NMU: variants seen among roughly 807,000 people sequenced by gnomAD.
The protein encoded by NMU is neuromedin-U.
Under a neutral mutation model 35.4 loss-of-function variants are expected in NMU, and 29 were observed. The ratio of observed to expected loss-of-function variants is 0.82; its 90% CI spans 0.61 to 1.12. The LOEUF (loss-of-function observed/expected upper bound fraction) is 1.12, where lower values mean the gene tolerates loss of function less well. Ranked by LOEUF, NMU falls within the 50% of genes most tolerant of loss-of-function variation. NMU has a pLI of 0.00. For missense variants in NMU, 199 were observed against 206.2 expected (o/e 0.97, Z 0.21); for synonymous variants, 78 against 81.3 (o/e 0.96, Z 0.22).
At chr4:55,614,089 A>AATCT (rs1429000728) in intron 3 of NMU, among the ~76,000 whole-genome samples, 1 of 152,212 alleles carries the variant, frequency 6.6e-6, no homozygotes, top group Non-Finnish European at 1.5e-5. Context: ...GGGACTTGTG[A>AATCT]ATCTATCTCT....
At chr4:55,631,126 A>C (rs537123350) in intron 1 of NMU, among the ~76,000 whole-genome samples, 1 of 152,324 alleles carries the variant, frequency 6.6e-6, no homozygotes, top group South Asian at 2.1e-4. Flanking sequence ...GACAAGCCAC[A>C]TACAGAAGAA....
intron 1 of NMU, among the ~76,000 whole-genome samples, chr4:55,635,535 C>A (rs2110218055): frequency 6.6e-6 from 1 of 152,306 alleles, no homozygotes; most frequent in South Asian, 2.1e-4. Context: ...CCACTCCTTC[C>A]CTTCTAAGCG....
chr4:55,614,188 T>A (rs547755880), intron 3 of NMU, among the ~76,000 whole-genome samples: 1 of 152,268 alleles, frequency 6.6e-6, no homozygotes, highest in East Asian at 1.9e-4. Context: ...TAAGATGATA[T>A]CCAGTTAAAA....
At chr4:55,610,108 T>C (rs549244720) in intron 3 of NMU, among the ~76,000 whole-genome samples, 7 of 152,226 alleles carry the variant, frequency 4.6e-5, no homozygotes, top group Middle Eastern at 3.4e-3. Flanking sequence ...CTTAGAAGAA[T>C]TAAATGTAGG....
At chr4:55,629,129 C>G in intron 2 of NMU, among the ~76,000 whole-genome samples, 1 of 152,100 alleles carries the variant, frequency 6.6e-6, no homozygotes, top group East Asian at 1.9e-4. Flanking sequence ...TGCATTATAA[C>G]TGGAAAACAT....
intron 2 of NMU, among the ~76,000 whole-genome samples, chr4:55,624,984 C>T (rs1403336715): frequency 2.5e-5 from 2 of 80,732 alleles, no homozygotes; most frequent in Non-Finnish European, 5.0e-5. Context: ...CACATGGACA[C>T]AGGAAGGGGA....
chr4:55,636,242 C>G lies in NMU; in HGVS notation c.-50G>C. 3.5e-6 allele frequency: 5 copies of G among 1,420,936 alleles called. No homozygotes were observed. Among genetic ancestry groups the G allele is most frequent in the Non-Finnish European group, 4.6e-6 (5 of 1,097,336 alleles). The allele number at this position is 1,420,936 out of a possible 1,614,324, so 88.0% of individuals were successfully genotyped here. A position where few individuals can be genotyped will look rare whatever the true frequency, so the allele number is the denominator to read the frequency against. Reference sequence around the variant, plus strand: ...GCTAGGGACGCTGCGCTGCGCCACGCGTAGCTGGTGCTCCACCTGGTGCCC... The same window carrying G: ...GCTAGGGACGCTGCGCTGCGCCACGGGTAGCTGGTGCTCCACCTGGTGCCC... On this transcript the variant is annotated 5_prime_UTR_variant, in exon 1 of 10. Coordinates refer to ENST00000264218, the MANE Select transcript of NMU (RefSeq NM_006681.4). The surrounding 1 kb of genome is among the most constrained non-coding windows in gnomAD (Gnocchi z 4.0).
chr4:55,635,027 C>T (rs149239050), intron 1 of NMU, among the ~76,000 whole-genome samples: 98 of 152,270 alleles, frequency 6.4e-4, no homozygotes, highest in African/African-American at 1.8e-3. Context: ...GGACTACAGG[C>T]TCTGCAGTTG....
At chr4:55,605,189 T>C (rs955391844) in intron 7 of NMU, 86 bp downstream of exon 7, 1 of 898,878 alleles carries the variant, frequency 1.1e-6, no homozygotes, top group African/African-American at 1.6e-5. Context: ...AAGAGCAGCA[T>C]TTGATGAACT....
At chr4:55,608,220 T>C (rs2110192350) in intron 4 of NMU, among the ~76,000 whole-genome samples, 1 of 152,078 alleles carries the variant, frequency 6.6e-6, no homozygotes, top group South Asian at 2.1e-4. Context: ...TCCTTTTTTG[T>C]TGTTGTTCTT....
At chr4:55,626,332 T>G (rs12499623) in intron 2 of NMU, among the ~76,000 whole-genome samples, 75,338 of 152,126 alleles carry the variant, frequency 0.5, 19,027 homozygotes, top group East Asian at 0.68. Flanking sequence ...TGAAGTCTTA[T>G]CTTTATCCAA....
At chr4:55,628,987 TC>T (rs540192018) in intron 2 of NMU, among the ~76,000 whole-genome samples, 98 of 152,332 alleles carry the variant, frequency 6.4e-4, no homozygotes, top group African/African-American at 2.3e-3. Context: ...TTTATTTTTT[TC>T]CCTGAAGGTC....
intron 2 of NMU, among the ~76,000 whole-genome samples, chr4:55,620,043 G>T (rs1734323325): frequency 6.8e-6 from 1 of 146,304 alleles, no homozygotes; most frequent in Non-Finnish European, 1.5e-5. Context: ...ACCAAAAGTA[G>T]ATAAAACCAC....
rs1577936878 is a variant in NMU at position 55,604,012 on chromosome 4, T to TACGTGTATATATATGTATATATAC, written c.435+1262_435+1263insGTATATATACATATATATACACGT. ...GTATATATATACGTATATATGTATA[T>TACGTGTATATATATGTATATATAC]ATGTGTATATATATAATCCTAGAAA... On this transcript the variant is annotated intron_variant, in intron 7 of 9. Coordinates refer to ENST00000264218, the MANE Select transcript of NMU (RefSeq NM_006681.4). Among the ~76,000 whole-genome samples the TACGTGTATATATATGTATATATAC allele has an allele frequency of 0.011, 30 of 2,630 alleles. 5 individuals carry two copies. The South Asian group carries it at 0.5, about 44-fold the overall frequency. 1.7% of individuals were successfully genotyped at this position (2,630 alleles called of 152,430 possible).
intron 2 of NMU, among the ~76,000 whole-genome samples, chr4:55,618,821 CTCTT>C (rs773888650): frequency 1.0e-4 from 15 of 146,614 alleles, no homozygotes; most frequent in South Asian, 4.3e-4. Context: ...TCTTTCTTCT[CTCTT>C]TCTTCTTTCT....
At chr4:55,617,506 GAC>G (rs147079985) in intron 2 of NMU, among the ~76,000 whole-genome samples, 12 of 149,778 alleles carry the variant, frequency 8.0e-5, no homozygotes, top group South Asian at 4.2e-4. Flanking sequence ...TGAAATCATG[GAC>G]ACACACACAC....
rs1188892586 is a variant in NMU, at chr4:55,607,442, T to C, written c.304A>G (p.Lys102Glu). The stretch of plus-strand genomic sequence containing the variant: ...ATGTATGAAAATCATCTTACCCTTT[T>C]AGTATTATCTTTTTCATCTTGTTCC... ...PQEQDEKDNTKRFLFHYSKTQ... is the reference protein window; with the variant it reads ...PQEQDEKDNTERFLFHYSKTQ... The change falls in exon 5 of 10, where the codon AAA (lysine) becomes GAA (glutamate). Residue 102 changes from lysine (K) to glutamate (E), a missense_variant. Coordinates refer to ENST00000264218, the MANE Select transcript of NMU (RefSeq NM_006681.4). 2 of 1,042,254 alleles carry C rather than the reference T, an allele frequency of 1.9e-6. No individual in the cohort carries two copies. The highest frequency in any genetic ancestry group is 1.4e-5 in the South Asian group (1 of 73,266). 64.6% of individuals were successfully genotyped at this position (1,042,254 alleles called of 1,614,324 possible). A position where few individuals can be genotyped will look rare whatever the true frequency, so the allele number is the denominator to read the frequency against.
chr4:55,609,201 G>A lies in NMU; in HGVS notation c.220-22C>T, dbSNP rs370961688. 80 of 1,582,448 alleles carry A rather than the reference G, an allele frequency of 5.1e-5. 2 individuals are homozygous for A. The highest frequency in any genetic ancestry group is 4.4e-4 in the African/African-American group (33 of 74,556). On this transcript the variant is annotated intron_variant, in intron 3 of 9. Coordinates refer to ENST00000264218, the MANE Select transcript of NMU (RefSeq NM_006681.4). ...ATGCCTAACAGAAATGAGAAGATAT[G>A]TAAGTTATGCTTCTGCTTTAACGAC...
Position 55,603,922 on chromosome 4 carries a change from AAAAAAT to A in NMU, c.435+1347_435+1352del, listed in dbSNP as rs1165404504. On this transcript the variant is annotated intron_variant, in intron 7 of 9. Transcript: ENST00000264218. ...GCAAGAGTCCGTCTCAAAAAAAAAAAAAAAATATATATATATATATATATGTATATA... is the reference window on the plus strand; with the variant it reads ...GCAAGAGTCCGTCTCAAAAAAAAAAAATATATATATATATATATGTATATA... Among the ~76,000 whole-genome samples, 523 of 81,158 alleles carry A rather than the reference AAAAAAT, an allele frequency of 6.4e-3. 47 individuals are homozygous for A. Among genetic ancestry groups the A allele is most frequent in the African/African-American group, 0.024 (454 of 19,050 alleles). The allele number at this position is 81,158 out of a possible 152,430, so 53.2% of individuals were successfully genotyped here. A position where few individuals can be genotyped will look rare whatever the true frequency, so the allele number is the denominator to read the frequency against.
Sources: gnomAD v4.1 joint callset for allele counts (sites outside exome capture counted in the v4.1 genomes callset) on GRCh38, gnomAD v4.1.1 for gene constraint, Gnocchi (gnomAD v3.1) non-coding constraint, MANE v1.5 for transcripts, NCBI Gene and HGNC (gene_info 2026-07-23, HGNC 2026-07-21) for gene names.